The following PRKAR1B variants were observed in gnomAD, a reference collection of about 807,000 sequenced individuals.
PRKAR1B encodes the protein cAMP-dependent protein kinase type I-beta regulatory subunit.
In PRKAR1B, 22 loss-of-function variants were observed where a neutral mutation model predicts 46.5. That is an observed-to-expected ratio of 0.47 (90% CI 0.34 to 0.68). The LOEUF is 0.68. Ranked by LOEUF, PRKAR1B falls within the 30% of genes least tolerant of loss-of-function variation. PRKAR1B has a pLI of 0.01. For synonymous variants in PRKAR1B, 259 were observed against 217.7 expected (o/e 1.19, Z -1.67); for missense variants, 445 against 535.6 (o/e 0.83, Z 1.67).
chr7:718,661 C>G (rs1395547568), intron 1 of PRKAR1B, among the ~76,000 whole-genome samples: 1 of 151,904 alleles, frequency 6.6e-6, no homozygotes, highest in Non-Finnish European at 1.5e-5. Flanking sequence ...CTGACCTGAC[C>G]CATTTTTAAG....
In PRKAR1B at chr7:602,843, T is replaced by C. The variant is rs764703680; in HGVS notation, c.549+3350A>G. On this transcript the variant is annotated intron_variant, in intron 6 of 10. Transcript: ENST00000537384. The surrounding 1 kb of genome is among the most constrained non-coding windows in gnomAD (Gnocchi z 6.4). The stretch of plus-strand genomic sequence containing the variant: ...TTCGTTTTTCTGAGTAATATGGAAA[T>C]GGCACGGCTCAGCCACACAAGGGCC... Among the ~76,000 whole-genome samples, 24 of 152,044 alleles carry C rather than the reference T, an allele frequency of 1.6e-4. No homozygotes were observed. Among genetic ancestry groups the C allele is most frequent in the Non-Finnish European group, 3.2e-4 (22 of 68,020 alleles).
intron 4 of PRKAR1B, among the ~76,000 whole-genome samples, chr7:658,591 G>A (rs926196682): frequency 6.6e-6 from 1 of 152,204 alleles, no homozygotes; most frequent in Admixed American, 6.5e-5. Flanking sequence ...GAAGCCGGCG[G>A]CTCACGAAAG....
At chr7:722,099 T>TTC (rs1484981442) in intron 1 of PRKAR1B, among the ~76,000 whole-genome samples, 1 of 140,266 alleles carries the variant, frequency 7.1e-6, no homozygotes, top group Non-Finnish European at 1.5e-5. Context: ...TTTCAGCCTT[T>TTC]TTTTTTTTTT....
chr7:605,371 G>A (rs1364165597), intron 6 of PRKAR1B, among the ~76,000 whole-genome samples: 2 of 152,208 alleles, frequency 1.3e-5, no homozygotes, highest in South Asian at 2.1e-4. Flanking sequence ...TGCAGAACAG[G>A]AGCCCAGCGG....
intron 2 of PRKAR1B, among the ~76,000 whole-genome samples, chr7:710,643 C>CTTT (rs1177446855): frequency 9.4e-5 from 13 of 137,618 alleles, no homozygotes; most frequent in East Asian, 4.1e-4. Context: ...TTTCTTTTTC[C>CTTT]TTTTTTTTTT....
intron 4 of PRKAR1B, among the ~76,000 whole-genome samples, chr7:609,080 A>T (rs149313823): frequency 3.7e-5 from 4 of 109,186 alleles, no homozygotes; most frequent in East Asian, 3.8e-4. Flanking sequence ...CTGTAGGGAG[A>T]GCTGGGGGCC....
At chr7:665,643 G>A (rs936291479) in intron 4 of PRKAR1B, among the ~76,000 whole-genome samples, 1 of 152,234 alleles carries the variant, frequency 6.6e-6, no homozygotes, top group Admixed American at 6.5e-5. Flanking sequence ...CATCTCCTCG[G>A]ATGAGGCCCT....
chr7:630,786 G>T (rs1355537914), intron 4 of PRKAR1B, among the ~76,000 whole-genome samples: 1 of 152,046 alleles, frequency 6.6e-6, no homozygotes, highest in African/African-American at 2.4e-5. Context: ...GGCCCAGTCA[G>T]GTGCAGGGAT....
chr7:632,829 C>T (rs62432170), intron 4 of PRKAR1B, among the ~76,000 whole-genome samples: 1 of 136,650 alleles, frequency 7.3e-6, no homozygotes, highest in African/African-American at 2.7e-5. Context: ...AGGTCTGGGA[C>T]TCTACGGGGC....
At chr7:584,283 C>A (rs191116245) in intron 8 of PRKAR1B, among the ~76,000 whole-genome samples, 41 of 152,320 alleles carry the variant, frequency 2.7e-4, no homozygotes, top group African/African-American at 8.7e-4. Flanking sequence ...AGGGCAGCCC[C>A]GCCCACGAGA....
At position 619,170 on chromosome 7, in the gene PRKAR1B, G is replaced by A. The variant is rs147235315; in HGVS notation, c.441-11718C>T. ...GGAAAACACAGTGTCCACGCAGAGCGAAGAGTCGGACGAAAGCACAGCAGG... is the reference window on the plus strand; with the variant it reads ...GGAAAACACAGTGTCCACGCAGAGCAAAGAGTCGGACGAAAGCACAGCAGG... On this transcript the variant is annotated intron_variant, in intron 4 of 10. Coordinates refer to ENST00000537384, the MANE Select transcript of PRKAR1B (RefSeq NM_001164760.2). Among the ~76,000 whole-genome samples the A allele has an allele frequency of 2.0e-3, 305 of 152,256 alleles. 3 individuals are homozygous for A. The highest frequency in any genetic ancestry group is 7.0e-3 in the African/African-American group (292 of 41,540).
intron 4 of PRKAR1B, among the ~76,000 whole-genome samples, chr7:670,828 G>A (rs1351173752): frequency 9.1e-5 from 12 of 131,292 alleles, no homozygotes; most frequent in East Asian, 2.4e-4. Context: ...CGTGGCATCC[G>A]GCAGCGGGGC....
intron 4 of PRKAR1B, among the ~76,000 whole-genome samples, chr7:642,036 C>T (rs947728655): frequency 6.6e-6 from 1 of 152,084 alleles, no homozygotes; most frequent in Admixed American, 6.6e-5. Flanking sequence ...CCCCAAGTGG[C>T]TGGGACTCCA....
rs9801255 is a variant in PRKAR1B at position 549,321 on chromosome 7, T to C, written c.*1109A>G. On this transcript the variant is annotated 3_prime_UTR_variant, in exon 11 of 11. Coordinates refer to ENST00000537384, the MANE Select transcript of PRKAR1B (RefSeq NM_001164760.2). Reference sequence around the variant, plus strand: ...ACACGGCGACGTGGCCGGGGCTGGGTGGGGAGGGGGACCCCACGCATCGTA... The same window carrying C: ...ACACGGCGACGTGGCCGGGGCTGGGCGGGGAGGGGGACCCCACGCATCGTA... The C allele has an allele frequency of 0.24, 36,473 of 150,708 alleles. 4,685 individuals carry two copies. Among genetic ancestry groups the C allele is most frequent in the Admixed American group, 0.39 (5,929 of 15,214 alleles). 9.3% of individuals were successfully genotyped at this position (150,708 alleles called of 1,614,324 possible).
chr7:725,860 TA>T (rs1223027635), intron 1 of PRKAR1B, among the ~76,000 whole-genome samples: 1 of 152,168 alleles, frequency 6.6e-6, no homozygotes, highest in African/African-American at 2.4e-5. Flanking sequence ...CCCACACCAC[TA>T]ATCTGGCTCA....
At chr7:572,561 G>A (rs1350568954) in intron 9 of PRKAR1B, among the ~76,000 whole-genome samples, 5 of 152,186 alleles carry the variant, frequency 3.3e-5, no homozygotes, top group Admixed American at 6.5e-5. Flanking sequence ...GGTGTGAGCA[G>A]GGGCTGTTTT....
chr7:695,446 G>A (rs975785876), intron 2 of PRKAR1B, among the ~76,000 whole-genome samples: 9 of 152,176 alleles, frequency 5.9e-5, no homozygotes, highest in African/African-American at 2.2e-4. Context: ...GAAGGGGTCA[G>A]TGGTGCTGCC....
chr7:677,398 ACCCTCAG>A (rs1778394968), intron 3 of PRKAR1B, 78 bp from the exon 4 acceptor site: 4 of 1,184,240 alleles, frequency 3.4e-6, no homozygotes, highest in South Asian at 1.2e-5. Flanking sequence ...TCCCTACTCC[ACCCTCAG>A]CCTGCTGTTA....
At chr7:588,684 A>ATGATGG in intron 7 of PRKAR1B, among the ~76,000 whole-genome samples, 1 of 11,290 alleles carries the variant, frequency 8.9e-5, no homozygotes, top group Non-Finnish European at 1.9e-4. Flanking sequence ...GATGACGATG[A>ATGATGG]TGGTGATGGT....
Sources: gnomAD v4.1 joint callset for allele counts (sites outside exome capture counted in the v4.1 genomes callset) on GRCh38, gnomAD v4.1.1 for gene constraint, Gnocchi (gnomAD v3.1) non-coding constraint, MANE v1.5 for transcripts, NCBI Gene and HGNC (gene_info 2026-07-23, HGNC 2026-07-21) for gene names.